Variants in ZAN observed in about 807,000 individuals in gnomAD.
ZAN encodes zonadhesin (gene/pseudogene).
In ZAN, 260 loss-of-function variants were observed where a neutral mutation model predicts 286.2. That is an observed-to-expected ratio of 0.91 (90% CI 0.82 to 1.01). ZAN has a LOEUF of 1.01. ZAN is among the 50% of genes least tolerant of loss of function. The probability of loss-of-function intolerance (pLI) is 0.00; values close to 1 mark genes in which losing one functional copy is unlikely to be tolerated. For synonymous variants in ZAN, 1,368 were observed against 1,417.5 expected (o/e 0.97, Z 0.79); for missense variants, 3,410 against 3,639.2 (o/e 0.94, Z 1.62).
rs368813784 is a variant in ZAN, at chr7:100,748,388, C to T, written c.1167C>T (p.Ser389=). ...CCTTCTGTGACTGGGTCCAGACTTC[C>T]GGGGATGGTGGACACTGGGCCCTCG... ...AHPFCDWVQT[S]GDGGHWALGH... is the part of the protein sequence containing the mutation. The change falls in exon 11 of 48, where the codon TCC becomes TCT. Residue 389 remains serine, a synonymous_variant. Coordinates refer to ENST00000613979, the MANE Select transcript of ZAN (RefSeq NM_003386.3). 7.5e-5 allele frequency: 121 copies of T among 1,613,950 alleles called. 1 individual carries two copies. The East Asian group carries it at 9.8e-4, about 13-fold the overall frequency.
chr7:100,784,352 T>A (rs191116435), intron 35 of ZAN, among the ~76,000 whole-genome samples: 2 of 151,970 alleles, frequency 1.3e-5, no homozygotes, highest in African/African-American at 2.4e-5. Flanking sequence ...ATGGTCTCGA[T>A]CTCCTGACCT....
intron 35 of ZAN, among the ~76,000 whole-genome samples, chr7:100,782,606 C>CA (rs1366337879): frequency 6.6e-6 from 1 of 152,164 alleles, no homozygotes; most frequent in Non-Finnish European, 1.5e-5. Context: ...GCTGGGGTTA[C>CA]AGGCGTGAGC....
chr7:100,755,060 G>A (rs1295536691), intron 14 of ZAN, among the ~76,000 whole-genome samples, 166 bp from the exon 15 acceptor site: 3 of 152,174 alleles, frequency 2.0e-5, no homozygotes, highest in East Asian at 3.8e-4. Context: ...AAAGTGCTGG[G>A]ATTATAGGTG....
At chr7:100,749,912 A>G (rs1350681956) in intron 11 of ZAN, among the ~76,000 whole-genome samples, 1 of 149,020 alleles carries the variant, frequency 6.7e-6, no homozygotes, top group Admixed American at 6.7e-5. Flanking sequence ...TTAGCCAGAC[A>G]TGGTGGTACA....
rs1396019620 is a variant in ZAN, at chr7:100,787,875, T to C, written c.6980-14T>C. 6.7e-7 allele frequency: 1 copy of C among 1,485,710 alleles called. No individual in the cohort carries two copies. The highest frequency in any genetic ancestry group is 2.3e-5 in the East Asian group (1 of 43,846). 92.0% of individuals were successfully genotyped at this position (1,485,710 alleles called of 1,614,324 possible). Reference sequence around the variant, plus strand: ...CTGCGCCCGGCCCCTTCTCACTGTCTGACTTCTTGGCAGAGTCTGAACAAT... The same window carrying C: ...CTGCGCCCGGCCCCTTCTCACTGTCCGACTTCTTGGCAGAGTCTGAACAAT... On this transcript the variant is annotated splice_polypyrimidine_tract_variant and intron_variant, in intron 37 of 47. Transcript: ENST00000613979.
chr7:100,773,724 G>C lies in ZAN; in HGVS notation c.5638G>C (p.Gly1880Arg). 1 of 1,608,406 alleles carries C rather than the reference G, an allele frequency of 6.2e-7. No homozygotes were observed. The highest frequency in any genetic ancestry group is 8.5e-7 in the Non-Finnish European group (1 of 1,177,338). Residue 1880 changes from glycine (G) to arginine (R), a missense_variant, in exon 31 of 48, where the codon GGG becomes CGG. Gly to Arg is a moderately radical substitution (Grantham distance 125). Transcript: ENST00000613979. ...TDPAGSYHPV[G>R]ERWYTENTCT... ...AGCTGATCCCTGTGGCCCACAGGTC[G>C]GGGAGCGCTGGTACACAGAGAACAC...
chr7:100,760,522 T>A lies in ZAN; in HGVS notation c.3828T>A (p.Tyr1276Ter). The A allele has an allele frequency of 6.2e-7, 1 of 1,613,958 alleles. No homozygotes were observed. The highest frequency in any genetic ancestry group is 2.2e-5 in the East Asian group (1 of 44,880). ...GATGGGATGGTGACCAGCAGCTGTA[T>A]GTTACTGTGTCCAGGTAAGGCAGTG... is the stretch of plus-strand genomic sequence containing the variant. ...RVRWDGDQQL[Y>*]VTVSSTYSGK... Residue 1276 changes from tyrosine to a stop codon, truncating the protein, a stop_gained, in exon 19 of 48, where the codon TAT becomes TAA. Transcript: ENST00000613979. LOFTEE classifies it high-confidence loss of function.
Position 100,786,155 on chromosome 7 carries a change from C to G in ZAN, c.6979+14C>G. 1 of 1,613,554 alleles carries G rather than the reference C, an allele frequency of 6.2e-7. No homozygotes were observed. Among genetic ancestry groups the G allele is most frequent in the African/African-American group, 1.3e-5 (1 of 75,034 alleles). On this transcript the variant is annotated intron_variant, in intron 37 of 47. Coordinates refer to ENST00000613979, the MANE Select transcript of ZAN (RefSeq NM_003386.3). ...GTGTCTCAGACAGTAAGGGGAGCGACCGGGGAGGTTGGAGAGGGGAGCACC... is the reference window on the plus strand; with the variant it reads ...GTGTCTCAGACAGTAAGGGGAGCGAGCGGGGAGGTTGGAGAGGGGAGCACC...
intron 45 of ZAN, among the ~76,000 whole-genome samples, chr7:100,796,450 T>A (rs973742533): frequency 7.1e-6 from 1 of 141,842 alleles, no homozygotes; most frequent in African/African-American, 2.6e-5. Flanking sequence ...TGAGTCTTGG[T>A]CTGTTGCCCA....
At position 100,797,704 on chromosome 7, in the gene ZAN, C is replaced by T; in HGVS notation, c.8414-3C>T. ...ATACATGGTTTTCTTGCTTTCTCCT[C>T]AGATACTGTTCTGGACTGTGCCTGT... On this transcript the variant is annotated splice_region_variant and splice_polypyrimidine_tract_variant and intron_variant, in intron 47 of 47. Transcript: ENST00000613979. The T allele has an allele frequency of 6.2e-7, 1 of 1,614,002 alleles. No individual in the cohort carries two copies. Among genetic ancestry groups the T allele is most frequent in the Non-Finnish European group, 8.5e-7 (1 of 1,179,896 alleles).
rs1809991212 is a variant in ZAN, at chr7:100,766,596, C to G, written c.4542C>G (p.Cys1514Trp). Residue 1514 changes from cysteine to tryptophan, a missense_variant, in exon 24 of 48, where the codon TGC (cysteine) becomes TGG (tryptophan). By Grantham distance (215) the Cys-to-Trp change is radical. Transcript: ENST00000613979. The part of the protein sequence containing the change: ...CVCESNNRIR[C>W]QPWRCRAQEF... ...GTGAAAGCAACAACAGAATTCGCTGCCAGCCCTGGAGGTGTAGGGCCCAGG... is the reference window on the plus strand; with the variant it reads ...GTGAAAGCAACAACAGAATTCGCTGGCAGCCCTGGAGGTGTAGGGCCCAGG... 1 of 1,554,414 alleles carries G rather than the reference C, an allele frequency of 6.4e-7. No individual in the cohort carries two copies. The highest frequency in any genetic ancestry group is 8.7e-7 in the Non-Finnish European group (1 of 1,148,720).
chr7:100,793,909 G>A lies in ZAN; in HGVS notation c.7877G>A (p.Arg2626Gln), dbSNP rs968912841. The change falls in exon 43 of 48, where the codon CGA becomes CAA. Residue 2626 changes from arginine (R) to glutamine (Q), a missense_variant. Arg to Gln is a conservative substitution (Grantham distance 43). Transcript: ENST00000613979. ...CAACCTGGCAGACCCCGGGGACTGC[G>A]AGGGCCCCTGCGTGGAAGGCTGCGC... ...LCQPGRPRGLRGPLRGRLRQH... is the reference protein window; with the variant it reads ...LCQPGRPRGLQGPLRGRLRQH... 8.1e-6 allele frequency: 13 copies of A among 1,613,808 alleles called. No homozygotes were observed. Among genetic ancestry groups the A allele is most frequent in the African/African-American group, 1.3e-5 (1 of 74,910 alleles).
At chr7:100,759,891 T>G in intron 18 of ZAN, 46 bp downstream of exon 18, 1 of 1,587,910 alleles carries the variant, frequency 6.3e-7, no homozygotes, top group South Asian at 1.1e-5. Flanking sequence ...TCTGACTGTG[T>G]GTCCTGGCCA....
intron 11 of ZAN, among the ~76,000 whole-genome samples, chr7:100,749,681 C>CACACACATATATAT (rs1399200115): frequency 3.6e-5 from 5 of 140,126 alleles, no homozygotes; most frequent in South Asian, 4.6e-4. Context: ...TATATACACA[C>CACACACATATATAT]ACACACATAT....
At chr7:100,779,830 C>T in intron 35 of ZAN, 80 bp downstream of exon 35, 1 of 1,394,484 alleles carries the variant, frequency 7.2e-7, no homozygotes, top group Non-Finnish European at 9.6e-7. Flanking sequence ...CCCTCACTCT[C>T]CTTCCTGTTC....
intron 8 of ZAN, among the ~76,000 whole-genome samples, 200 bp downstream of exon 8, chr7:100,746,902 C>T (rs1808261460): frequency 6.6e-6 from 1 of 152,058 alleles, no homozygotes; most frequent in South Asian, 2.1e-4. Context: ...GAGATCGAGA[C>T]CATCCTGGCT....
intron 34 of ZAN, among the ~76,000 whole-genome samples, chr7:100,778,615 TGA>T: frequency 6.6e-6 from 1 of 150,610 alleles, no homozygotes; most frequent in East Asian, 2.0e-4. Flanking sequence ...AAAGGAAATC[TGA>T]GAGAAGACGA....
rs761608756 is a variant in ZAN at position 100,771,963 on chromosome 7, G to A, written c.5368G>A (p.Ala1790Thr). ...CCTGTGCCGCTCCCTGCAGGCCTAC[G>A]CGTCCCTGTGTGCCCAGGCTGGCCA... ...TALCRSLQAY[A>T]SLCAQAGQAP... Residue 1790 changes from alanine to threonine, a missense_variant, in exon 29 of 48, where the codon GCG (alanine) becomes ACG (threonine). Ala to Thr is a moderately conservative substitution (Grantham distance 58, BLOSUM62 0). Coordinates refer to ENST00000613979, the MANE Select transcript of ZAN (RefSeq NM_003386.3). 1.6e-5 allele frequency: 26 copies of A among 1,609,984 alleles called. No individual in the cohort carries two copies. The highest frequency in any genetic ancestry group is 1.0e-4 in the Admixed American group (6 of 59,936).
intron 42 of ZAN, 176 bp downstream of exon 42, chr7:100,792,655 C>T (rs1027903886): frequency 2.2e-5 from 30 of 1,385,622 alleles, no homozygotes; most frequent in Non-Finnish European, 2.7e-5. Flanking sequence ...GTCCCATCAT[C>T]CCTCGAATTT....
Sources: allele counts gnomAD v4.1 joint callset (sites outside exome capture counted in the v4.1 genomes callset), GRCh38; gene constraint gnomAD v4.1.1; transcripts MANE v1.5; gene names NCBI Gene and HGNC (gene_info 2026-07-23, HGNC 2026-07-21).